Variants in GLE1 observed in about 807,000 individuals in gnomAD.
GLE1 encodes mRNA export factor GLE1.
Under a neutral mutation model 97.3 loss-of-function variants are expected in GLE1, and 78 were observed. That is an observed-to-expected ratio of 0.80 (90% CI 0.67 to 0.97). The LOEUF (loss-of-function observed/expected upper bound fraction) is 0.97, where lower values mean the gene tolerates loss of function less well. GLE1 is among the 50% of genes least tolerant of loss of function. The pLI, the probability that GLE1 is intolerant of heterozygous loss-of-function variation, is 0.00. For missense variants in GLE1, 753 were observed against 857.5 expected, an observed-to-expected ratio of 0.88 and a Z score of 1.52; for synonymous variants, 302 against 313.4, an observed-to-expected ratio of 0.96 and a Z score of 0.39.
rs758624265 is a variant in GLE1, at chr9:128,536,349, G to A, written c.1647-6G>A. ...ACACCCGGCCAAATTTTTTCTTCCC[G>A]TATAGGATGCTTGGTTACCAAGTAA... On this transcript the variant is annotated splice_region_variant and splice_polypyrimidine_tract_variant and intron_variant, in intron 11 of 15. Transcript: ENST00000309971. 21 of 1,611,968 alleles carry A rather than the reference G, an allele frequency of 1.3e-5. 1 individual carries two copies. The highest frequency in any genetic ancestry group is 1.1e-4 in the East Asian group (5 of 44,722).
rs772247635 is a variant in GLE1, at chr9:128,533,878, C to T, written c.1573C>T (p.His525Tyr). The stretch of plus-strand genomic sequence containing the variant: ...GGGGGACCTCATTCTTGCTCATCTA[C>T]ATAAGAAGTGTCCTTACTCTGTTCC... ...RVGDLILAHL[H>Y]KKCPYSVPFY... The change falls in exon 11 of 16, where the codon CAT becomes TAT. Residue 525 changes from histidine (H) to tyrosine (Y), a missense_variant. Coordinates refer to ENST00000309971, the MANE Select transcript of GLE1 (RefSeq NM_001003722.2). The T allele has an allele frequency of 6.2e-7, 1 of 1,613,168 alleles. No homozygotes were observed. Among genetic ancestry groups the T allele is most frequent in the Non-Finnish European group, 8.5e-7 (1 of 1,179,082 alleles).
intron 13 of GLE1, 117 bp downstream of exon 13, chr9:128,538,207 G>T: frequency 1.4e-6 from 1 of 707,330 alleles, no homozygotes; most frequent in East Asian, 2.7e-5. Flanking sequence ...AACAGCATGA[G>T]GTTCCAGTGT....
intron 15 of GLE1, 32 bp downstream of exon 15, chr9:128,540,370 CTGT>C (rs767388728): frequency 1.1e-5 from 15 of 1,410,064 alleles, no homozygotes; most frequent in Middle Eastern, 1.8e-4. Context: ...ATGCCCCACA[CTGT>C]TGTTGGGCTG....
At position 128,515,650 on chromosome 9, in the gene GLE1, C is replaced by T. The variant is rs1331786868; in HGVS notation, c.432+11C>T. The T allele has an allele frequency of 7.0e-7, 1 of 1,436,768 alleles. No homozygotes were observed. The highest frequency in any genetic ancestry group is 1.7e-5 in the Admixed American group (1 of 59,560). 89.0% of individuals were successfully genotyped at this position (1,436,768 alleles called of 1,614,324 possible). On this transcript the variant is annotated intron_variant, in intron 3 of 15. Transcript: ENST00000309971. ...AGAATGAAAGGAACAGTAAGTGAAC[C>T]CATGAAGGAAGGCAGCCTTGATCCT...
intron 11 of GLE1, among the ~76,000 whole-genome samples, chr9:128,535,785 A>G (rs1847688586): frequency 6.6e-6 from 1 of 151,796 alleles, no homozygotes; most frequent in African/African-American, 2.4e-5. Flanking sequence ...ATTGCTTTCT[A>G]GCCTGGGCGA....
At chr9:128,516,914 C>A (rs1363997450) in intron 3 of GLE1, among the ~76,000 whole-genome samples, 1 of 152,124 alleles carries the variant, frequency 6.6e-6, no homozygotes, top group East Asian at 1.9e-4. Flanking sequence ...GCATAAGCCA[C>A]TGCGCCCAGC....
intron 11 of GLE1, among the ~76,000 whole-genome samples, chr9:128,535,385 G>A (rs1847670269): frequency 6.6e-6 from 1 of 151,886 alleles, no homozygotes; most frequent in South Asian, 2.1e-4. Context: ...AGCTGGGCAT[G>A]GTGGCAGGCA....
chr9:128,537,639 AAAT>A (rs1310982240), intron 12 of GLE1, among the ~76,000 whole-genome samples: 1 of 151,956 alleles, frequency 6.6e-6, no homozygotes, highest in Non-Finnish European at 1.5e-5. Flanking sequence ...CCATGTCTCT[AAAT>A]AAAATACAAA....
intron 3 of GLE1, among the ~76,000 whole-genome samples, chr9:128,518,087 T>C (rs1847036478): frequency 6.6e-6 from 1 of 152,126 alleles, no homozygotes; most frequent in Non-Finnish European, 1.5e-5. Flanking sequence ...GGAATACTAG[T>C]TCCCATACTG....
chr9:128,515,287 A>C (rs1186516080), intron 2 of GLE1, among the ~76,000 whole-genome samples: 2 of 152,226 alleles, frequency 1.3e-5, no homozygotes, highest in African/African-American at 2.4e-5. Flanking sequence ...GTCAAAAAAA[A>C]CATAGAAAAA....
At chr9:128,517,771 T>C (rs1388578716) in intron 3 of GLE1, among the ~76,000 whole-genome samples, 1 of 152,206 alleles carries the variant, frequency 6.6e-6, no homozygotes, top group Non-Finnish European at 1.5e-5. Context: ...AAAATATATA[T>C]GTATTTATTA....
At chr9:128,536,958 AAAG>A (rs1327488846) in intron 12 of GLE1, 1 of 168,738 alleles carries the variant, frequency 5.9e-6, no homozygotes, top group African/African-American at 2.4e-5. Context: ...ACGGAGACCT[AAAG>A]AGAAAAAATA....
At chr9:128,537,343 C>CTGGAA (rs1272201723) in intron 12 of GLE1, among the ~76,000 whole-genome samples, 1 of 148,994 alleles carries the variant, frequency 6.7e-6, no homozygotes, top group African/African-American at 2.5e-5. Flanking sequence ...ATTCCAGCTA[C>CTGGAA]TTGGGAGGCT....
At chr9:128,539,805 C>G in intron 14 of GLE1, 107 bp downstream of exon 14, 1 of 1,589,456 alleles carries the variant, frequency 6.3e-7, no homozygotes, top group Non-Finnish European at 8.6e-7. Flanking sequence ...TTAAAAACAC[C>G]TGTACTAAGT....
At chr9:128,522,595 G>T in intron 3 of GLE1, 73 bp from the exon 4 acceptor site, 1 of 1,478,532 alleles carries the variant, frequency 6.8e-7, no homozygotes, top group South Asian at 1.3e-5. Context: ...AGGTTGCAGT[G>T]AGCTGCACTC....
intron 1 of GLE1, 127 bp downstream of exon 1, chr9:128,505,031 T>C: frequency 1.4e-6 from 1 of 699,292 alleles, no homozygotes; most frequent in South Asian, 1.5e-5. Flanking sequence ...ATTTCTTGAC[T>C]TCTGTGTGTA....
At chr9:128,518,249 C>T (rs1847041842) in intron 3 of GLE1, among the ~76,000 whole-genome samples, 1 of 151,664 alleles carries the variant, frequency 6.6e-6, no homozygotes, top group Admixed American at 6.6e-5. Flanking sequence ...AGACAATTTG[C>T]AGATCTGTTT....
At chr9:128,537,177 C>T (rs562301408) in intron 12 of GLE1, among the ~76,000 whole-genome samples, 2 of 151,786 alleles carry the variant, frequency 1.3e-5, no homozygotes, top group African/African-American at 4.8e-5. Flanking sequence ...AAATAGAAGG[C>T]GAGGTAGCTT....
intron 3 of GLE1, among the ~76,000 whole-genome samples, chr9:128,517,648 C>T (rs186305926): frequency 5.8e-4 from 89 of 152,268 alleles, no homozygotes; most frequent in African/African-American, 2.0e-3. Flanking sequence ...GTTCACCTCT[C>T]CATTGCCTAA....
Sources: gnomAD v4.1 joint callset for allele counts (sites outside exome capture counted in the v4.1 genomes callset) on GRCh38, gnomAD v4.1.1 for gene constraint, MANE v1.5 for transcripts, NCBI Gene and HGNC (gene_info 2026-07-23, HGNC 2026-07-21) for gene names.